GRIA4: variants seen among roughly 807,000 people sequenced by gnomAD.
The protein encoded by GRIA4 is glutamate receptor 4.
Under a neutral mutation model 104.0 loss-of-function variants are expected in GRIA4, and 34 were observed. The observed-to-expected ratio is 0.33, with a 90% CI of 0.25 to 0.44. The LOEUF is 0.44. Among genes scored for constraint, GRIA4 ranks in the 20% least tolerant of loss-of-function variants. The pLI, the probability that GRIA4 is intolerant of heterozygous loss-of-function variation, is 1.00. For synonymous variants in GRIA4, 386 were observed against 381.9 expected (o/e 1.01, Z -0.13); for missense variants, 750 against 1,096.5 (o/e 0.68, Z 4.46).
At chr11:105,739,611 T>G (rs1482796836) in intron 3 of GRIA4, among the ~76,000 whole-genome samples, 2 of 152,204 alleles carry the variant, frequency 1.3e-5, no homozygotes, top group Non-Finnish European at 2.9e-5. Flanking sequence ...ATTTACATAT[T>G]AATAACCTAT....
intron 4 of GRIA4, among the ~76,000 whole-genome samples, chr11:105,806,087 TTTTG>T (rs936954883): frequency 1.3e-5 from 2 of 151,960 alleles, no homozygotes; most frequent in African/African-American, 2.4e-5. Flanking sequence ...AAGTGTAAGC[TTTTG>T]TTTGTTTTAG....
At chr11:105,947,122 A>G (rs1455303670) in intron 14 of GRIA4, among the ~76,000 whole-genome samples, 3 of 152,326 alleles carry the variant, frequency 2.0e-5, no homozygotes, top group South Asian at 4.1e-4. Flanking sequence ...TCAAAACATA[A>G]TATCTATTTA....
chr11:105,933,707 T>C lies in GRIA4; in HGVS notation c.2047-15T>C, dbSNP rs772024550. The C allele has an allele frequency of 5.3e-6, 8 of 1,523,460 alleles. No individual in the cohort carries two copies. The South Asian group carries it at 6.1e-5, about 12-fold the overall frequency. 94.4% of individuals were successfully genotyped at this position (1,523,460 alleles called of 1,614,324 possible). On this transcript the variant is annotated splice_polypyrimidine_tract_variant and intron_variant, in intron 13 of 16. Transcript: ENST00000282499. ...CCTTCTTTCCTGTATTTAATTTTAT[T>C]TTAATTTCCTCCAGAGATCAAAAAT...
chr11:105,815,229 C>T (rs150623774), intron 4 of GRIA4, among the ~76,000 whole-genome samples: 180 of 152,150 alleles, frequency 1.2e-3, no homozygotes, highest in African/African-American at 3.9e-3. Flanking sequence ...TTGCTTAAAC[C>T]GGTATGATGA....
intron 3 of GRIA4, among the ~76,000 whole-genome samples, chr11:105,678,692 G>T (rs1189607743): frequency 6.6e-6 from 1 of 152,004 alleles, no homozygotes; most frequent in African/African-American, 2.4e-5. Context: ...CATTGAAATT[G>T]CCATTCAGTT....
chr11:105,612,500 TCTTTGTTATTTA>T, intron 3 of GRIA4, 66 bp downstream of exon 3: 2 of 1,229,992 alleles, frequency 1.6e-6, no homozygotes, highest in Non-Finnish European at 2.3e-6. Context: ...GTCCTCTTCC[TCTTTGTTATTTA>T]ATTTTTTTAG....
intron 4 of GRIA4, among the ~76,000 whole-genome samples, chr11:105,798,611 A>C (rs1942589234): frequency 6.6e-6 from 1 of 152,156 alleles, no homozygotes; most frequent in Non-Finnish European, 1.5e-5. Context: ...AGAGACACAG[A>C]GGCCGATTAG....
chr11:105,731,866 AGGGCCTGTCGG>A (rs1938613211), intron 3 of GRIA4, among the ~76,000 whole-genome samples: 3 of 151,706 alleles, frequency 2.0e-5, no homozygotes, highest in African/African-American at 7.2e-5. Context: ...ATCACAAACC[AGGGCCTGTCGG>A]GGGGTGGGGG....
intron 4 of GRIA4, among the ~76,000 whole-genome samples, chr11:105,828,362 C>G (rs1189746547): frequency 6.6e-6 from 1 of 151,970 alleles, no homozygotes; most frequent in African/African-American, 2.4e-5. Flanking sequence ...GCCAAGCATG[C>G]ATTTCTTATG....
intron 3 of GRIA4, among the ~76,000 whole-genome samples, chr11:105,653,793 T>A (rs1327790398): frequency 2.0e-5 from 3 of 151,592 alleles, no homozygotes; most frequent in African/African-American, 7.3e-5. Context: ...AAGGAAAGCA[T>A]CCTGGGGAAA....
intron 10 of GRIA4, chr11:105,911,775 AATATATATATATATATATAT>A (rs60005308): frequency 0.079 from 5,869 of 74,644 alleles, 1,642 homozygotes; most frequent in Middle Eastern, 0.29. Context: ...CTTGAAAAGC[AATATATATATATATATATAT>A]ATATATATAT....
intron 5 of GRIA4, among the ~76,000 whole-genome samples, chr11:105,876,529 C>G (rs1029895774): frequency 6.6e-6 from 1 of 152,096 alleles, no homozygotes; most frequent in South Asian, 2.1e-4. Flanking sequence ...AATTTTCCCA[C>G]TATTATTGTG....
At chr11:105,799,219 A>T (rs1942614953) in intron 4 of GRIA4, among the ~76,000 whole-genome samples, 1 of 152,106 alleles carries the variant, frequency 6.6e-6, no homozygotes, top group Non-Finnish European at 1.5e-5. Context: ...GTGTGGTCAA[A>T]TGCTAAGGAA....
In GRIA4 at chr11:105,702,690, C is replaced by CTTTTTT. The variant is rs150923757; in HGVS notation, c.248-50288_248-50287insTTTTTT. Among the ~76,000 whole-genome samples, 23 of 96,116 alleles carry CTTTTTT rather than the reference C, an allele frequency of 2.4e-4. 3 individuals carry two copies. The highest frequency in any genetic ancestry group is 3.4e-4 in the East Asian group (1 of 2,968). 63.1% of individuals were successfully genotyped at this position (96,116 alleles called of 152,430 possible). On this transcript the variant is annotated intron_variant, in intron 3 of 16. Coordinates refer to ENST00000282499, the MANE Select transcript of GRIA4 (RefSeq NM_000829.4). ...TTATAAGATATGCAAAATTATTTTC[C>CTTTTTT]TTTCTTTTTTTTTTTTTTTTTTTTG...
At chr11:105,921,664 T>C (rs1247907388) in intron 11 of GRIA4, among the ~76,000 whole-genome samples, 2 of 152,168 alleles carry the variant, frequency 1.3e-5, no homozygotes, top group African/African-American at 4.8e-5. Context: ...TCTCTTCATG[T>C]GTCTTTTTAA....
intron 14 of GRIA4, among the ~76,000 whole-genome samples, chr11:105,942,204 T>C (rs1195765436): frequency 6.6e-6 from 1 of 152,038 alleles, no homozygotes. Context: ...CCAGGAAAAG[T>C]TGACTTCAGA....
At chr11:105,741,725 T>G (rs1443620807) in intron 3 of GRIA4, among the ~76,000 whole-genome samples, 1 of 152,204 alleles carries the variant, frequency 6.6e-6, no homozygotes, top group African/African-American at 2.4e-5. Flanking sequence ...TTTTGAGGTC[T>G]GTCAATATTT....
intron 3 of GRIA4, among the ~76,000 whole-genome samples, chr11:105,710,052 A>G (rs1404070557): frequency 6.6e-6 from 1 of 152,152 alleles, no homozygotes; most frequent in Non-Finnish European, 1.5e-5. Flanking sequence ...AATCCCAAGC[A>G]TGTAGCATAT....
At chr11:105,666,571 GATT>G (rs1319535343) in intron 3 of GRIA4, among the ~76,000 whole-genome samples, 1 of 151,698 alleles carries the variant, frequency 6.6e-6, no homozygotes, top group Non-Finnish European at 1.5e-5. Flanking sequence ...CTTAGTAAAT[GATT>G]ATTATATTTA....
Sources: gnomAD v4.1 joint callset for allele counts (sites outside exome capture counted in the v4.1 genomes callset) on GRCh38, gnomAD v4.1.1 for gene constraint, MANE v1.5 for transcripts, NCBI Gene and HGNC (gene_info 2026-07-23, HGNC 2026-07-21) for gene names.